CAMTA1: variants seen among roughly 807,000 people sequenced by gnomAD.
CAMTA1 encodes calmodulin binding transcription activator 1.
CAMTA1 carries 27 observed loss-of-function variants against 170.9 expected under a neutral mutation model. That is an observed-to-expected ratio of 0.16 (90% CI 0.12 to 0.22). CAMTA1 has a LOEUF of 0.22. CAMTA1 is among the 10% of genes least tolerant of loss of function. CAMTA1 has a pLI of 1.00. For missense variants in CAMTA1, 1,619 were observed against 2,217.2 expected (o/e 0.73, Z 5.42); for synonymous variants, 833 against 891.5 (o/e 0.93, Z 1.17).
intron 3 of CAMTA1, among the ~76,000 whole-genome samples, chr1:7,002,320 A>AATGGTGGGT (rs1698341914): frequency 6.6e-6 from 1 of 152,192 alleles, no homozygotes; most frequent in Non-Finnish European, 1.5e-5. Context: ...GGGAGTCAGG[A>AATGGTGGGT]GACCCACCTG....
chr1:7,090,211 C>G (rs1169028262), intron 3 of CAMTA1, among the ~76,000 whole-genome samples: 1 of 152,214 alleles, frequency 6.6e-6, no homozygotes, highest in Non-Finnish European at 1.5e-5. Flanking sequence ...CTCACCTGCT[C>G]TGCTTACCGG....
intron 5 of CAMTA1, among the ~76,000 whole-genome samples, chr1:7,289,361 G>C (rs1672787570): frequency 6.6e-6 from 1 of 152,146 alleles, no homozygotes; most frequent in African/African-American, 2.4e-5. Context: ...GTGGTTTCAA[G>C]ATCCAGTCCC....
At chr1:7,244,901 T>A (rs1178567931) in intron 4 of CAMTA1, among the ~76,000 whole-genome samples, 3 of 151,728 alleles carry the variant, frequency 2.0e-5, no homozygotes, top group Non-Finnish European at 2.9e-5. Context: ...ATAATAATAA[T>A]AAAAATAAAT....
chr1:7,587,416 C>T (rs1010842210), intron 6 of CAMTA1, among the ~76,000 whole-genome samples: 2 of 152,084 alleles, frequency 1.3e-5, no homozygotes, highest in Admixed American at 1.3e-4. Context: ...CCTGCGTCTG[C>T]GGTGAGTCGG....
At chr1:7,444,081 C>T (rs75562159) in intron 5 of CAMTA1, among the ~76,000 whole-genome samples, 2 of 152,140 alleles carry the variant, frequency 1.3e-5, no homozygotes, top group African/African-American at 2.4e-5. Flanking sequence ...AGAGGAAACC[C>T]GCTGGTGCTC....
At chr1:7,481,257 C>A (rs1048005727) in intron 6 of CAMTA1, among the ~76,000 whole-genome samples, 7 of 152,178 alleles carry the variant, frequency 4.6e-5, no homozygotes, top group Non-Finnish European at 1.0e-4. Flanking sequence ...CAAGAAGTCT[C>A]CACGGCACTT....
At chr1:7,303,577 T>C (rs1290147023) in intron 5 of CAMTA1, among the ~76,000 whole-genome samples, 1 of 152,218 alleles carries the variant, frequency 6.6e-6, no homozygotes, top group Non-Finnish European at 1.5e-5. Context: ...CATTGTTTCA[T>C]TGATCCCACA....
chr1:6,854,562 C>T (rs1661576174), intron 3 of CAMTA1, among the ~76,000 whole-genome samples: 1 of 152,100 alleles, frequency 6.6e-6, no homozygotes, highest in South Asian at 2.1e-4. Flanking sequence ...ATATGAAATA[C>T]AACACTGCAC....
intron 6 of CAMTA1, among the ~76,000 whole-genome samples, chr1:7,621,960 G>A (rs951083791): frequency 8.1e-4 from 123 of 152,338 alleles, no homozygotes; most frequent in African/African-American, 2.7e-3. Context: ...GGGTGACCTC[G>A]TGTGACCTTG....
rs769717256 is a variant in CAMTA1, at chr1:7,426,953, G to A, written c.439-40877G>A. Among the ~76,000 whole-genome samples, 18 of 152,068 alleles carry A rather than the reference G, an allele frequency of 1.2e-4. No individual in the cohort carries two copies. The highest frequency in any genetic ancestry group is 2.6e-4 in the Admixed American group (4 of 15,278). On this transcript the variant is annotated intron_variant, in intron 5 of 22. Transcript: ENST00000303635. This position sits in a 1 kb window ranked among gnomAD's most constrained non-coding sequence, Gnocchi z 4.8. ...CACCAGCAAGGCCTTTTTGCTCAGC[G>A]GTGGCGTTCAGAATCGTGTTTTCCT... is the stretch of plus-strand genomic sequence containing the variant.
chr1:7,279,102 G>A (rs1179843588), intron 5 of CAMTA1, among the ~76,000 whole-genome samples: 1 of 152,192 alleles, frequency 6.6e-6, no homozygotes, highest in African/African-American at 2.4e-5. Flanking sequence ...GGTACTTAGA[G>A]CGCAGAGCCT....
At chr1:6,931,249 C>G (rs933809024) in intron 3 of CAMTA1, among the ~76,000 whole-genome samples, 1 of 152,100 alleles carries the variant, frequency 6.6e-6, no homozygotes, top group Non-Finnish European at 1.5e-5. Flanking sequence ...AGCATTCTAG[C>G]TTATTTGGGT....
chr1:7,221,056 A>G (rs1316591873), intron 4 of CAMTA1, among the ~76,000 whole-genome samples: 1 of 152,126 alleles, frequency 6.6e-6, no homozygotes, highest in Non-Finnish European at 1.5e-5. Flanking sequence ...GCAAGCACCG[A>G]AGGCCGGCAC....
At chr1:7,590,952 A>T (rs534555477) in intron 6 of CAMTA1, among the ~76,000 whole-genome samples, 2 of 152,314 alleles carry the variant, frequency 1.3e-5, no homozygotes, top group East Asian at 3.9e-4. Flanking sequence ...TATATACTGT[A>T]CCTACAGAAA....
At chr1:7,611,059 C>T (rs2095520419) in intron 6 of CAMTA1, among the ~76,000 whole-genome samples, 1 of 152,172 alleles carries the variant, frequency 6.6e-6, no homozygotes, top group African/African-American at 2.4e-5. Context: ...TCGAAGTGTC[C>T]ATTTTCTCCT....
At chr1:7,493,057 A>ACG (rs1181262173) in intron 6 of CAMTA1, among the ~76,000 whole-genome samples, 6 of 92,320 alleles carry the variant, frequency 6.5e-5, no homozygotes, top group East Asian at 9.0e-4. Context: ...CTACATACAC[A>ACG]CGCGCGCACA....
intron 3 of CAMTA1, among the ~76,000 whole-genome samples, chr1:6,860,330 T>C (rs76259711): frequency 0.014 from 2,169 of 152,330 alleles, 27 homozygotes; most frequent in Middle Eastern, 0.041. Flanking sequence ...AGCTGAACTT[T>C]TTTTATATGT....
At chr1:7,076,274 C>T (rs1459762839) in intron 3 of CAMTA1, among the ~76,000 whole-genome samples, 2 of 152,204 alleles carry the variant, frequency 1.3e-5, no homozygotes, top group Non-Finnish European at 2.9e-5. Flanking sequence ...TAGTCCTCCT[C>T]CTCTTGCTAT....
chr1:7,490,652 C>CA (rs35431162), intron 6 of CAMTA1, among the ~76,000 whole-genome samples: 87,522 of 148,356 alleles, frequency 0.59, 26,231 homozygotes, highest in East Asian at 0.74. Flanking sequence ...AACTCCATCT[C>CA]AAAAAAAAAA....
Sources: gnomAD v4.1 joint callset for allele counts (sites outside exome capture counted in the v4.1 genomes callset) on GRCh38, gnomAD v4.1.1 for gene constraint, Gnocchi (gnomAD v3.1) non-coding constraint, MANE v1.5 for transcripts, NCBI Gene and HGNC (gene_info 2026-07-23, HGNC 2026-07-21) for gene names.